DCC: variants seen among roughly 807,000 people sequenced by gnomAD.
The protein encoded by DCC is DCC netrin 1 receptor, also known as netrin receptor DCC.
DCC carries 58 observed loss-of-function variants against 172.5 expected under a neutral mutation model. The observed-to-expected ratio is 0.34, with a 90% CI of 0.27 to 0.42. The LOEUF (loss-of-function observed/expected upper bound fraction) is 0.42. Among genes scored for constraint, DCC ranks in the 10% least tolerant of loss-of-function variants. The pLI is 1.00. For synonymous variants in DCC, 709 were observed against 644.5 expected, an observed-to-expected ratio of 1.10 and a Z score of -1.52; for missense variants, 1,740 against 1,791.0, an observed-to-expected ratio of 0.97 and a Z score of 0.51.
At chr18:53,411,147 G>T (rs1279382437) in intron 20 of DCC, among the ~76,000 whole-genome samples, 1 of 151,752 alleles carries the variant, frequency 6.6e-6, no homozygotes, top group African/African-American at 2.4e-5. Context: ...GTTGCAATAT[G>T]ATATCTAGAA....
At chr18:53,273,225 G>A (rs1303885363) in intron 12 of DCC, among the ~76,000 whole-genome samples, 1 of 151,968 alleles carries the variant, frequency 6.6e-6, no homozygotes, top group African/African-American at 2.4e-5. Context: ...GTGCTCTTAT[G>A]AATAATAATC....
intron 1 of DCC, among the ~76,000 whole-genome samples, chr18:52,729,021 G>A (rs567240860): frequency 9.9e-5 from 15 of 152,150 alleles, no homozygotes; most frequent in South Asian, 2.1e-4. Flanking sequence ...CAGGAAAATC[G>A]GATTTTAACA....
chr18:53,471,696 G>C (rs2045698630), intron 25 of DCC, among the ~76,000 whole-genome samples: 1 of 152,088 alleles, frequency 6.6e-6, no homozygotes, highest in African/African-American at 2.4e-5. Flanking sequence ...CTCTGCACTT[G>C]CTGTAGTCTT....
In DCC at chr18:52,845,716, G is replaced by A. The variant is rs537744679; in HGVS notation, c.413-60328G>A. ...AGAAGTTTTAGAAGAAAAACTTCAG[G>A]CAAATTAAATTTAACAGCATTTATT... On this transcript the variant is annotated intron_variant, in intron 2 of 28. Coordinates refer to ENST00000442544, the MANE Select transcript of DCC (RefSeq NM_005215.4). Among the ~76,000 whole-genome samples, 217 of 152,268 alleles carry A rather than the reference G, an allele frequency of 1.4e-3. 1 individual carries two copies. Among genetic ancestry groups the A allele is most frequent in the African/African-American group, 5.1e-3 (213 of 41,552 alleles).
intron 5 of DCC, among the ~76,000 whole-genome samples, chr18:52,937,261 T>C (rs1342662675): frequency 6.6e-6 from 1 of 152,164 alleles, no homozygotes; most frequent in Non-Finnish European, 1.5e-5. Flanking sequence ...ATGACATTCT[T>C]GACTCAGAAG....
chr18:52,879,294 T>TATTAAGC (rs1555676866), intron 2 of DCC, among the ~76,000 whole-genome samples: 1 of 152,004 alleles, frequency 6.6e-6, no homozygotes, highest in Non-Finnish European at 1.5e-5. Flanking sequence ...AACCTTAAGG[T>TATTAAGC]ATTAAGCATT....
chr18:52,460,455 T>C (rs1477460674), intron 1 of DCC, among the ~76,000 whole-genome samples: 2 of 152,174 alleles, frequency 1.3e-5, no homozygotes, highest in African/African-American at 2.4e-5. Context: ...ATTTCCATAC[T>C]GGTTGCTTTT....
At position 53,205,636 on chromosome 18, in the gene DCC, G is replaced by C. The variant is rs1029122917; in HGVS notation, c.1722+272G>C. 2.6e-5 allele frequency among the ~76,000 whole-genome samples: 4 copies of C among 152,150 alleles called. No homozygotes were observed. In the South Asian group the frequency reaches 8.3e-4, roughly 32 times the overall value. On this transcript the variant is annotated intron_variant, in intron 10 of 28. Coordinates refer to ENST00000442544, the MANE Select transcript of DCC (RefSeq NM_005215.4). ...TTGGTTGAGTCTGCAGTGGCCTGGC[G>C]TGTGTGGGCAACCAGATTTGTATTA...
chr18:53,450,961 T>C (rs2045404391), intron 23 of DCC, among the ~76,000 whole-genome samples: 1 of 152,196 alleles, frequency 6.6e-6, no homozygotes, highest in Non-Finnish European at 1.5e-5. Context: ...ACCTAGAGAA[T>C]AGACTCCACC....
intron 9 of DCC, among the ~76,000 whole-genome samples, chr18:53,199,433 CTT>C (rs2055500744): frequency 6.6e-6 from 1 of 152,010 alleles, no homozygotes; most frequent in African/African-American, 2.4e-5. Flanking sequence ...TTCATTTTCT[CTT>C]GCAGCTCATG....
chr18:52,653,560 G>A (rs2035185743), intron 1 of DCC, among the ~76,000 whole-genome samples: 1 of 152,138 alleles, frequency 6.6e-6, no homozygotes, highest in East Asian at 1.9e-4. Flanking sequence ...TATGCACAAA[G>A]GACTGTGGAA....
At chr18:53,460,344 A>G (rs2045541494) in intron 24 of DCC, among the ~76,000 whole-genome samples, 1 of 134,062 alleles carries the variant, frequency 7.5e-6, no homozygotes, top group East Asian at 2.2e-4. Flanking sequence ...GGTTAGATAT[A>G]TACGTATACA....
intron 5 of DCC, among the ~76,000 whole-genome samples, chr18:53,054,133 A>G (rs542877083): frequency 7.2e-5 from 11 of 152,208 alleles, no homozygotes; most frequent in Admixed American, 2.0e-4. Context: ...AATCATCTCT[A>G]GATTACTCAT....
intron 2 of DCC, among the ~76,000 whole-genome samples, chr18:52,845,050 G>C (rs2038863752): frequency 1.3e-5 from 2 of 152,198 alleles, no homozygotes; most frequent in Non-Finnish European, 2.9e-5. Context: ...GCTAACATCT[G>C]ACCTCCGTCT....
intron 4 of DCC, 23 bp from the exon 5 acceptor site, chr18:52,925,211 T>A: frequency 6.2e-7 from 1 of 1,610,122 alleles, no homozygotes; most frequent in Non-Finnish European, 8.5e-7. Context: ...TAATTTACTC[T>A]GCACCTTCCC....
intron 1 of DCC, among the ~76,000 whole-genome samples, chr18:52,493,731 A>C (rs577678844): frequency 6.6e-6 from 1 of 151,966 alleles, no homozygotes; most frequent in Admixed American, 6.6e-5. Context: ...TTTTTTGTGG[A>C]TACCTTAGAG....
At chr18:53,241,602 C>G (rs78464925) in intron 12 of DCC, among the ~76,000 whole-genome samples, 2,716 of 152,254 alleles carry the variant, frequency 0.018, 36 homozygotes, top group Middle Eastern at 0.051. Flanking sequence ...CTGCTTCCGC[C>G]ATAAAGAGAA....
chr18:52,813,916 T>C (rs2038243611), intron 2 of DCC, among the ~76,000 whole-genome samples: 1 of 152,216 alleles, frequency 6.6e-6, no homozygotes, highest in East Asian at 1.9e-4. Flanking sequence ...GAACTTTTAC[T>C]ATCATCTCTC....
chr18:52,484,795 T>G (rs1051716648), intron 1 of DCC, among the ~76,000 whole-genome samples: 1 of 150,434 alleles, frequency 6.6e-6, no homozygotes, highest in Non-Finnish European at 1.5e-5. Flanking sequence ...CCAGAACTTA[T>G]AGTAAAATTT....
Sources: gnomAD v4.1 joint callset for allele counts (sites outside exome capture counted in the v4.1 genomes callset) on GRCh38, gnomAD v4.1.1 for gene constraint, MANE v1.5 for transcripts, NCBI Gene and HGNC (gene_info 2026-07-23, HGNC 2026-07-21) for gene names.